Variants in DKK4 observed in about 807,000 individuals in gnomAD.
The protein encoded by DKK4 is dickkopf Wnt signaling pathway inhibitor 4, also known as dickkopf-related protein 4.
A neutral mutation model predicts 14.5 loss-of-function variants in DKK4; 15 were observed. That is an observed-to-expected ratio of 1.03 (90% CI 0.69 to 1.59). The LOEUF is 1.59. Among genes scored for constraint, DKK4 ranks in the 40% most tolerant of loss-of-function variants. The pLI, the probability that DKK4 is intolerant of heterozygous loss-of-function variation, is 0.00. For missense variants in DKK4, 272 were observed against 280.3 expected (o/e 0.97, Z 0.21); for synonymous variants, 89 against 105.2 (o/e 0.85, Z 0.94).
intron 2 of DKK4, 124 bp downstream of exon 2, chr8:42,375,556 A>G: frequency 7.3e-6 from 9 of 1,227,414 alleles, no homozygotes; most frequent in Non-Finnish European, 1.0e-5. Context: ...GCAGCTGCAT[A>G]CATTTACTTC....
chr8:42,385,183 G>A, the DKK4 span, among the ~76,000 whole-genome samples: 1 of 152,174 alleles, frequency 6.6e-6, no homozygotes, highest in Non-Finnish European at 1.5e-5. Flanking sequence ...CTTGAGCCCA[G>A]TAGTTTAAGA....
In DKK4 at chr8:42,374,865, A is replaced by G. The variant is rs1227234553; in HGVS notation, c.311T>C (p.Leu104Pro). 6.2e-7 allele frequency: 1 copy of G among 1,614,146 alleles called. No individual in the cohort carries two copies. The highest frequency in any genetic ancestry group is 1.3e-5 in the African/African-American group (1 of 75,028). Reference protein sequence around the residue: ...EDATPILERQLDEQDGTHAEG... With the variant: ...EDATPILERQPDEQDGTHAEG... The stretch of plus-strand genomic sequence containing the variant: ...TGCATGTGTGCCATCTTGCTCATCA[A>G]GCTGCCTTTCTAATATTGGGGTTGC... The change falls in exon 3 of 4, where the codon CTT becomes CCT. Residue 104 changes from leucine to proline, a missense_variant. Coordinates refer to ENST00000220812, the MANE Select transcript of DKK4 (RefSeq NM_014420.3).
intron 2 of DKK4, 93 bp downstream of exon 2, chr8:42,375,587 C>G (rs1563414306): frequency 1.3e-6 from 2 of 1,484,670 alleles, no homozygotes; most frequent in Non-Finnish European, 1.8e-6. Context: ...CTAGGAAGCA[C>G]CATTAGAGAG....
chr8:42,382,335 A>C, the DKK4 span, among the ~76,000 whole-genome samples: 1 of 152,220 alleles, frequency 6.6e-6, no homozygotes, highest in Non-Finnish European at 1.5e-5. Context: ...CTGAAATGAG[A>C]TGCCCCCCTG....
At chr8:42,380,222 A>G (rs927866613), upstream of DKK4, among the ~76,000 whole-genome samples, 1 of 151,960 alleles carries the variant, frequency 6.6e-6, no homozygotes, top group Non-Finnish European at 1.5e-5. Context: ...AGTCCTAGCT[A>G]TTCAGGAGGC....
chr8:42,376,797 T>G, intron 1 of DKK4, 138 bp downstream of exon 1: 3 of 683,136 alleles, frequency 4.4e-6, no homozygotes. Flanking sequence ...CAGGATGCCC[T>G]CCCAAATCCG....
At chr8:42,382,651 C>T in the DKK4 span, among the ~76,000 whole-genome samples, 11 of 152,192 alleles carry the variant, frequency 7.2e-5, no homozygotes, top group South Asian at 2.1e-4. Flanking sequence ...AGCCGTCGTG[C>T]GAAGTTCTGG....
intron 3 of DKK4, 79 bp from the exon 4 acceptor site, chr8:42,374,438 T>C (rs956757349): frequency 7.0e-6 from 11 of 1,563,924 alleles, no homozygotes; most frequent in African/African-American, 2.8e-5. Context: ...GATAAGGGAA[T>C]GGGACCTATG....
rs1824545428 is a variant in DKK4 at position 42,375,710 on chromosome 8, T to C, written c.232A>G (p.Met78Val). The part of the protein sequence containing the change: ...GLRRRCQRDA[M>V]CCPGTLCVND... ...ACACAGAGTGTCCCAGGGCAGCACA[T>C]GGCATCTCGCTGGCACCTCCTCCGC... Residue 78 changes from methionine to valine, a missense_variant, in exon 2 of 4, where the codon ATG becomes GTG. Coordinates refer to ENST00000220812, the MANE Select transcript of DKK4 (RefSeq NM_014420.3). 1 of 1,613,644 alleles carries C rather than the reference T, an allele frequency of 6.2e-7. No individual in the cohort carries two copies. The highest frequency in any genetic ancestry group is 1.7e-5 in the Admixed American group (1 of 59,984).
Position 42,374,827 on chromosome 8 carries a change from C to T in DKK4, c.349G>A (p.Gly117Arg), listed in dbSNP as rs1824526170. 2.5e-6 allele frequency: 4 copies of T among 1,614,028 alleles called. No homozygotes were observed. In the Admixed American group the frequency reaches 5.0e-5, roughly 20 times the overall value. Residue 117 changes from glycine to arginine, a missense_variant, in exon 3 of 4, where the codon GGG becomes AGG. Coordinates refer to ENST00000220812, the MANE Select transcript of DKK4 (RefSeq NM_014420.3). The stretch of plus-strand genomic sequence containing the variant: ...GGTTGGTTTTCCTGGACTGGGTGCC[C>T]AGTTGTTCCTTCTGCATGTGTGCCA... Reference protein sequence around the residue: ...QDGTHAEGTTGHPVQENQPKR... With the variant: ...QDGTHAEGTTRHPVQENQPKR...
chr8:42,375,735 C>T lies in DKK4; in HGVS notation c.207G>A (p.Leu69=), dbSNP rs1824546345. 1.9e-6 allele frequency: 3 copies of T among 1,613,938 alleles called. No homozygotes were observed. The South Asian group carries it at 3.3e-5, about 18-fold the overall frequency. The change falls in exon 2 of 4, where the codon TTG becomes TTA. Residue 69 remains leucine, a synonymous_variant. Coordinates refer to ENST00000220812, the MANE Select transcript of DKK4 (RefSeq NM_014420.3). ...EKPFCATCRG[L]RRRCQRDAMC... ...TGGCATCTCGCTGGCACCTCCTCCG[C>T]AACCCACGACATGTAGCACAGAACG...
upstream of DKK4, chr8:42,377,263 C>A: frequency 1.9e-6 from 1 of 540,052 alleles, no homozygotes; most frequent in African/African-American, 1.9e-5. Context: ...TATTTATAAC[C>A]AGATGTGCCT....
rs1028582619 is a variant in DKK4, at chr8:42,374,913, T to C, written c.263A>G (p.Asp88Gly). The C allele has an allele frequency of 6.2e-7, 1 of 1,614,114 alleles. No homozygotes were observed. Among genetic ancestry groups the C allele is most frequent in the African/African-American group, 1.3e-5 (1 of 75,026 alleles). ...TGCATCTTCCATCGTAGTACAAACATCTGAGGGACAACCAGGTGTAACTAG... is the reference window on the plus strand; with the variant it reads ...TGCATCTTCCATCGTAGTACAAACACCTGAGGGACAACCAGGTGTAACTAG... Reference protein sequence around the residue: ...MCCPGTLCVNDVCTTMEDATP... With the variant: ...MCCPGTLCVNGVCTTMEDATP... The change falls in exon 3 of 4, where the codon GAT becomes GGT. Residue 88 changes from aspartate to glycine, a missense_variant and splice_region_variant. Transcript: ENST00000220812.
chr8:42,389,654 T>C, the DKK4 span, among the ~76,000 whole-genome samples: 3 of 152,218 alleles, frequency 2.0e-5, no homozygotes, highest in African/African-American at 7.2e-5. Context: ...TTTTTGTCTC[T>C]TTTTATTTCA....
chr8:42,385,839 A>G, the DKK4 span, among the ~76,000 whole-genome samples: 1 of 152,250 alleles, frequency 6.6e-6, no homozygotes, highest in East Asian at 1.9e-4. Context: ...ATGTTGGAAA[A>G]TACAGAAAAG....
upstream of DKK4, among the ~76,000 whole-genome samples, chr8:42,378,918 G>A (rs1011976162): frequency 1.5e-5 from 2 of 132,378 alleles, no homozygotes; most frequent in African/African-American, 6.2e-5. Flanking sequence ...ACGAGCCTGG[G>A]CAACATATTG....
At chr8:42,389,485 C>A in the DKK4 span, among the ~76,000 whole-genome samples, 14 of 152,296 alleles carry the variant, frequency 9.2e-5, no homozygotes, top group African/African-American at 3.1e-4. Context: ...GATATTTGTC[C>A]AAGTCTTACA....
the DKK4 span, among the ~76,000 whole-genome samples, chr8:42,384,941 C>T: frequency 6.6e-6 from 1 of 152,216 alleles, no homozygotes; most frequent in Non-Finnish European, 1.5e-5. Flanking sequence ...CCTTCTTTCC[C>T]AAACTGTCTC....
chr8:42,380,572 GACAA>G (rs1824655078), upstream of DKK4, among the ~76,000 whole-genome samples: 1 of 143,720 alleles, frequency 7.0e-6, no homozygotes, highest in African/African-American at 2.6e-5. Context: ...ATGAAAGGAA[GACAA>G]ACGAAAGGAA....
Sources: gnomAD v4.1 joint callset for allele counts (sites outside exome capture counted in the v4.1 genomes callset) on GRCh38, gnomAD v4.1.1 for gene constraint, MANE v1.5 for transcripts, NCBI Gene and HGNC (gene_info 2026-07-23, HGNC 2026-07-21) for gene names.